The following CDH2 variants were observed in gnomAD, a reference collection of about 807,000 sequenced individuals.
The protein encoded by CDH2 is cadherin-2.
Under a neutral mutation model 92.0 loss-of-function variants are expected in CDH2, and 17 were observed. The ratio of observed to expected loss-of-function variants is 0.18; its 90% CI spans 0.13 to 0.28. The LOEUF (loss-of-function observed/expected upper bound fraction) is 0.28, where lower values mean the gene tolerates loss of function less well. Among genes scored for constraint, CDH2 ranks in the 10% least tolerant of loss-of-function variants. CDH2 has a pLI of 1.00. For synonymous variants in CDH2, 419 were observed against 415.9 expected (o/e 1.01, Z -0.09); for missense variants, 862 against 1,133.1 (o/e 0.76, Z 3.44).
At chr18:27,986,666 G>A (rs1269499045) in intron 11 of CDH2, among the ~76,000 whole-genome samples, 1 of 152,138 alleles carries the variant, frequency 6.6e-6, no homozygotes. Flanking sequence ...ATGCAACTAG[G>A]AAGGTGCACA....
At chr18:28,032,906 G>GTAT (rs1481344861) in intron 2 of CDH2, among the ~76,000 whole-genome samples, 1 of 152,068 alleles carries the variant, frequency 6.6e-6, no homozygotes, top group South Asian at 2.1e-4. Context: ...TTTACAGTGA[G>GTAT]TATAGAGATA....
chr18:28,142,364 A>C (rs1258175685), intron 2 of CDH2, among the ~76,000 whole-genome samples: 1 of 151,968 alleles, frequency 6.6e-6, no homozygotes, highest in African/African-American at 2.4e-5. Flanking sequence ...TGACCACCCA[A>C]ACTGGCTTAT....
At chr18:28,161,054 A>G (rs2016299132) in intron 1 of CDH2, among the ~76,000 whole-genome samples, 1 of 152,162 alleles carries the variant, frequency 6.6e-6, no homozygotes, top group Non-Finnish European at 1.5e-5. Context: ...TGCAGATTAT[A>G]GACAAGAGGC....
At chr18:28,146,635 C>T (rs150690777) in intron 2 of CDH2, 172 of 152,172 alleles carry the variant, frequency 1.1e-3, no homozygotes, top group African/African-American at 4.1e-3. Context: ...CACCCAAGAA[C>T]GATAGTAGCT....
intron 2 of CDH2, among the ~76,000 whole-genome samples, chr18:28,029,759 G>A (rs1011374874): frequency 6.6e-6 from 1 of 151,992 alleles, no homozygotes; most frequent in Non-Finnish European, 1.5e-5. Context: ...TTAGGTGCAC[G>A]GCTGCTCTAG....
intron 2 of CDH2, among the ~76,000 whole-genome samples, chr18:28,085,903 C>T (rs1310324631): frequency 6.6e-6 from 1 of 152,150 alleles, no homozygotes; most frequent in East Asian, 1.9e-4. Context: ...GAACTAATCA[C>T]ATGATAACGC....
rs566216537 is a variant in CDH2, at chr18:27,969,276, C to T, written c.2350-5755G>A. On this transcript the variant is annotated intron_variant, in intron 14 of 15. Coordinates refer to ENST00000269141, the MANE Select transcript of CDH2 (RefSeq NM_001792.5). ...ATGAAGGATCTCTGTTCTCTCTCTT[C>T]ATATACTATACATTTTAATCTTACT... Among the ~76,000 whole-genome samples, 9 of 152,322 alleles carry T rather than the reference C, an allele frequency of 5.9e-5. No individual in the cohort carries two copies. In the South Asian group the frequency reaches 1.9e-3, roughly 32 times the overall value.
At chr18:28,122,661 TA>T (rs1402234534) in intron 2 of CDH2, among the ~76,000 whole-genome samples, 2 of 152,138 alleles carry the variant, frequency 1.3e-5, no homozygotes, top group Non-Finnish European at 2.9e-5. Flanking sequence ...CGAAGATTTC[TA>T]ATTATAAAAC....
intron 2 of CDH2, among the ~76,000 whole-genome samples, chr18:28,075,353 C>T (rs2014699299): frequency 6.6e-6 from 1 of 152,124 alleles, no homozygotes; most frequent in Admixed American, 6.6e-5. Flanking sequence ...CCTAATAGAG[C>T]TTCAGTTTCT....
intron 2 of CDH2, among the ~76,000 whole-genome samples, chr18:28,043,467 T>TATATATATATATATATAA (rs2013994859): frequency 1.7e-5 from 1 of 59,656 alleles, no homozygotes; most frequent in Non-Finnish European, 3.0e-5. Context: ...AATAAATATA[T>TATATATATATATATATAA]ATATATATAT....
chr18:27,949,947 T>C (rs1909371630), downstream of CDH2, among the ~76,000 whole-genome samples: 1 of 152,052 alleles, frequency 6.6e-6, no homozygotes. Context: ...AAACAGTGTT[T>C]ATCTAAATGG....
intron 15 of CDH2, among the ~76,000 whole-genome samples, chr18:27,961,515 G>A (rs566848269): frequency 1.2e-3 from 186 of 152,226 alleles, no homozygotes; most frequent in Non-Finnish European, 1.9e-3. Context: ...GGGCTTTGCC[G>A]AAGTTACAGT....
chr18:28,061,039 C>A (rs1235365270), intron 2 of CDH2, among the ~76,000 whole-genome samples: 3 of 152,126 alleles, frequency 2.0e-5, no homozygotes, highest in Non-Finnish European at 2.9e-5. Context: ...ACAAGTTAAA[C>A]TTTCTTTTGC....
chr18:28,145,264 AACAGGGTCTTGG>A (rs1390995589), intron 2 of CDH2, among the ~76,000 whole-genome samples: 1 of 152,076 alleles, frequency 6.6e-6, no homozygotes, highest in Non-Finnish European at 1.5e-5. Flanking sequence ...TTACGATTCC[AACAGGGTCTTGG>A]ACTCTAAAGT....
chr18:28,003,116 T>G lies in CDH2; in HGVS notation c.901A>C (p.Asn301His). ...AIDADDPNALNGMLRYRIVSQ... is the reference protein window; with the variant it reads ...AIDADDPNALHGMLRYRIVSQ... ...ACGATTCTGTACCTCAACATCCCAT[T>G]GAGGGCATTGGGATCGTCAGCATCA... Residue 301 changes from asparagine to histidine, a missense_variant, in exon 7 of 16, where the codon AAT becomes CAT. This residue lies in a region of CDH2 where 564 missense variants were observed against 722.2 expected (regional missense o/e 0.78). Coordinates refer to ENST00000269141, the MANE Select transcript of CDH2 (RefSeq NM_001792.5). 1.9e-6 allele frequency: 3 copies of G among 1,614,002 alleles called. No individual in the cohort carries two copies. Among genetic ancestry groups the G allele is most frequent in the Non-Finnish European group, 2.5e-6 (3 of 1,179,912 alleles).
At chr18:28,167,695 T>G (rs755731570) in intron 1 of CDH2, among the ~76,000 whole-genome samples, 1 of 152,120 alleles carries the variant, frequency 6.6e-6, no homozygotes, top group Non-Finnish European at 1.5e-5. Context: ...TTAGGAACAT[T>G]TAGCAGGCTG....
chr18:27,993,911 T>C (rs528736764), intron 7 of CDH2, among the ~76,000 whole-genome samples: 2 of 152,350 alleles, frequency 1.3e-5, no homozygotes, highest in African/African-American at 4.8e-5. Context: ...GAAACCTCCA[T>C]CTGGTTCCAA....
intron 2 of CDH2, among the ~76,000 whole-genome samples, chr18:28,070,865 T>A (rs2014604378): frequency 6.6e-6 from 1 of 152,226 alleles, no homozygotes; most frequent in South Asian, 2.1e-4. Context: ...GGATTCGAAT[T>A]AAATTACAAT....
intron 15 of CDH2, among the ~76,000 whole-genome samples, chr18:27,958,261 AAATT>A (rs546782789): frequency 4.0e-4 from 61 of 151,888 alleles, no homozygotes; most frequent in African/African-American, 1.4e-3. Flanking sequence ...ACAGAAATTA[AAATT>A]AATTAATAGG....
Sources: gnomAD v4.1 joint callset for allele counts (sites outside exome capture counted in the v4.1 genomes callset) on GRCh38, gnomAD v4.1.1 for gene constraint, gnomAD v4.1.1 regional missense constraint, MANE v1.5 for transcripts, NCBI Gene and HGNC (gene_info 2026-07-23, HGNC 2026-07-21) for gene names.